The following PNO1 variants were observed in gnomAD, a reference collection of about 807,000 sequenced individuals.
PNO1 encodes RNA-binding protein PNO1.
PNO1 carries 16 observed loss-of-function variants against 28.4 expected under a neutral mutation model. The ratio of observed to expected loss-of-function variants is 0.56; its 90% CI spans 0.38 to 0.85. The LOEUF is 0.85. Among genes scored for constraint, PNO1 ranks in the 40% least tolerant of loss-of-function variants. The probability of loss-of-function intolerance (pLI) is 0.00; values close to 1 mark genes in which losing one functional copy is unlikely to be tolerated. For missense variants in PNO1, 304 were observed against 312.2 expected, an observed-to-expected ratio of 0.97 and a Z score of 0.20; for synonymous variants, 115 against 110.8, an observed-to-expected ratio of 1.04 and a Z score of -0.24.
chr2:68,162,663 TGTAA>T lies in PNO1; in HGVS notation c.620+4_620+7del. The T allele has an allele frequency of 6.5e-7, 1 of 1,527,054 alleles. No homozygotes were observed. The highest frequency in any genetic ancestry group is 9.1e-7 in the Non-Finnish European group (1 of 1,100,956). The allele number at this position is 1,527,054 out of a possible 1,614,324, so 94.6% of individuals were successfully genotyped here. A position where few individuals can be genotyped will look rare whatever the true frequency, so the allele number is the denominator to read the frequency against. Reference sequence around the variant, plus strand: ...CGGACAAGGATAGTTTTGGCTGATGTGTAAGTATCTGATCTTGAGAAAATTATTG... The same window carrying T: ...CGGACAAGGATAGTTTTGGCTGATGTGTATCTGATCTTGAGAAAATTATTG... On this transcript the variant is annotated splice_donor_variant and splice_donor_region_variant and intron_variant, in intron 5 of 6. Coordinates refer to ENST00000263657, the MANE Select transcript of PNO1 (RefSeq NM_020143.4). LOFTEE classifies it high-confidence loss of function.
intron 5 of PNO1, among the ~76,000 whole-genome samples, chr2:68,172,819 A>G (rs1674165502): frequency 6.6e-6 from 1 of 152,248 alleles, no homozygotes; most frequent in South Asian, 2.1e-4. Flanking sequence ...TAAAGCACTC[A>G]TAGGATGGGA....
At chr2:68,165,557 A>AT (rs1453926545) in intron 5 of PNO1, among the ~76,000 whole-genome samples, 1 of 148,932 alleles carries the variant, frequency 6.7e-6, no homozygotes, top group Non-Finnish European at 1.5e-5. Context: ...AAAAAAAAAA[A>AT]AAAAAAAACG....
intron 5 of PNO1, among the ~76,000 whole-genome samples, chr2:68,169,418 T>C (rs1186418798): frequency 1.3e-5 from 2 of 152,184 alleles, no homozygotes; most frequent in Non-Finnish European, 2.9e-5. Flanking sequence ...AGACAGTTTA[T>C]TGGAGAGTCA....
intron 6 of PNO1, 85 bp from the exon 7 acceptor site, chr2:68,174,650 C>A: frequency 1.2e-6 from 1 of 839,786 alleles, no homozygotes; most frequent in East Asian, 2.5e-5. Context: ...GTCCTGAAAC[C>A]AGTCTTCCTT....
chr2:68,166,289 C>A (rs770982094), intron 5 of PNO1, among the ~76,000 whole-genome samples: 4 of 152,180 alleles, frequency 2.6e-5, no homozygotes, highest in African/African-American at 9.7e-5. Flanking sequence ...CTTAACTACT[C>A]CTGCTTTTGG....
Position 68,165,527 on chromosome 2 carries a change from CAG to C in PNO1, c.620+2867_620+2868del, listed in dbSNP as rs1479954580. On this transcript the variant is annotated intron_variant, in intron 5 of 6. Coordinates refer to ENST00000263657, the MANE Select transcript of PNO1 (RefSeq NM_020143.4). ...CACCACTGCATTCCAGCCTGGGCGACAGAGTGAGACTCCATCTCAAAAAAAAA... is the reference window on the plus strand; with the variant it reads ...CACCACTGCATTCCAGCCTGGGCGACAGTGAGACTCCATCTCAAAAAAAAA... 2.2e-4 allele frequency among the ~76,000 whole-genome samples: 25 copies of C among 113,164 alleles called. 1 individual carries two copies. The Admixed American group carries it at 2.7e-3, about 12-fold the overall frequency. The allele number at this position is 113,164 out of a possible 152,430, so 74.2% of individuals were successfully genotyped here.
At chr2:68,173,114 G>T (rs903475547) in intron 5 of PNO1, 6 of 242,262 alleles carry the variant, frequency 2.5e-5, no homozygotes, top group African/African-American at 5.0e-5. Flanking sequence ...TTTTAAGAGA[G>T]AGGGTTTTGG....
At chr2:68,158,277 T>C in intron 1 of PNO1, 103 bp from the exon 2 acceptor site, 1 of 1,370,900 alleles carries the variant, frequency 7.3e-7, no homozygotes, top group South Asian at 1.4e-5. Flanking sequence ...CTTTGAAGTG[T>C]AACTAGTTCA....
In PNO1 at chr2:68,169,667, GTTTTAA is replaced by G. The variant is rs539873494; in HGVS notation, c.621-3673_621-3668del. Among the ~76,000 whole-genome samples, 116 of 152,268 alleles carry G rather than the reference GTTTTAA, an allele frequency of 7.6e-4. No individual in the cohort carries two copies. In the East Asian group the frequency reaches 0.021, roughly 27 times the overall value. On this transcript the variant is annotated intron_variant, in intron 5 of 6. Coordinates refer to ENST00000263657, the MANE Select transcript of PNO1 (RefSeq NM_020143.4). Reference sequence around the variant, plus strand: ...ATATGGCTTGTGTTTGTGTGCGTAAGTTTTAATTTTAACTTTTTATAATAGATTTGT... The same window carrying G: ...ATATGGCTTGTGTTTGTGTGCGTAAGTTTTAACTTTTTATAATAGATTTGT...
chr2:68,157,910 C>A lies in PNO1; in HGVS notation c.-25C>A, dbSNP rs774785435. 9 of 1,605,416 alleles carry A rather than the reference C, an allele frequency of 5.6e-6. No homozygotes were observed. In the African/African-American group the frequency reaches 6.7e-5, roughly 12 times the overall value. Reference sequence around the variant, plus strand: ...GGTGCAGCTGCGCACGTGTTTCAGCCGGCAGCGCTTTAAGATTTCCGGGGA... The same window carrying A: ...GGTGCAGCTGCGCACGTGTTTCAGCAGGCAGCGCTTTAAGATTTCCGGGGA... On this transcript the variant is annotated 5_prime_UTR_variant, in exon 1 of 7. Transcript: ENST00000263657.
intron 5 of PNO1, among the ~76,000 whole-genome samples, chr2:68,171,394 A>G (rs1392889827): frequency 6.6e-6 from 1 of 152,190 alleles, no homozygotes; most frequent in Non-Finnish European, 1.5e-5. Context: ...TCTCTTTCCC[A>G]GAGTTCTGCT....
chr2:68,159,731 T>C (rs1364350219), intron 2 of PNO1, among the ~76,000 whole-genome samples: 1 of 152,184 alleles, frequency 6.6e-6, no homozygotes, highest in African/African-American at 2.4e-5. Context: ...AAATAGTTGA[T>C]AAAGTGTAAA....
Position 68,174,783 on chromosome 2 carries a change from G to T in PNO1, c.740G>T (p.Arg247Ile). The change falls in exon 7 of 7, where the codon AGA becomes ATA. Residue 247 changes from arginine (R) to isoleucine (I), a missense_variant. Transcript: ENST00000263657. ...GGCAATATTCGAGCTGTGGCTAGCA[G>T]ATCAGCAGATCGATTCTGATTTCAA... ...VYGNIRAVAS[R>I]SADRF is the part of the protein sequence containing the mutation. 1.9e-6 allele frequency: 3 copies of T among 1,607,296 alleles called. No homozygotes were observed. Among genetic ancestry groups the T allele is most frequent in the Admixed American group, 1.7e-5 (1 of 59,850 alleles).
rs553528524 is a variant in PNO1, at chr2:68,163,822, C to T, written c.620+1159C>T. On this transcript the variant is annotated intron_variant, in intron 5 of 6. Transcript: ENST00000263657. ...TGCCAGAAGTGAAGCTGGGATTACCCCTGTCTGAGGTTGAAGCTGCCCAGG... is the reference window on the plus strand; with the variant it reads ...TGCCAGAAGTGAAGCTGGGATTACCTCTGTCTGAGGTTGAAGCTGCCCAGG... Among the ~76,000 whole-genome samples the T allele has an allele frequency of 9.5e-4, 144 of 152,186 alleles. 1 individual carries two copies. The highest frequency in any genetic ancestry group is 3.3e-3 in the African/African-American group (135 of 41,530).
At chr2:68,159,124 C>G (rs1191969164) in intron 2 of PNO1, among the ~76,000 whole-genome samples, 1 of 152,086 alleles carries the variant, frequency 6.6e-6, no homozygotes, top group Admixed American at 6.6e-5. Context: ...CTCCATTATA[C>G]TGTTATGAGA....
At position 68,174,799 on chromosome 2, in the gene PNO1, C is replaced by G. The variant is rs1290382338; in HGVS notation, c.756C>G (p.Phe252Leu). 6.3e-7 allele frequency: 1 copy of G among 1,597,500 alleles called. No individual in the cohort carries two copies. Among genetic ancestry groups the G allele is most frequent in the South Asian group, 1.1e-5 (1 of 90,506 alleles). The change falls in exon 7 of 7, where the codon TTC becomes TTG. Residue 252 changes from phenylalanine (F) to leucine (L), a missense_variant. Phe to Leu is a conservative substitution (Grantham distance 22). Coordinates refer to ENST00000263657, the MANE Select transcript of PNO1 (RefSeq NM_020143.4). ...RAVASRSADRF is the reference protein window; with the variant it reads ...RAVASRSADRL ...TGGCTAGCAGATCAGCAGATCGATTCTGATTTCAAGTCAGAGACTTTTTAT... is the reference window on the plus strand; with the variant it reads ...TGGCTAGCAGATCAGCAGATCGATTGTGATTTCAAGTCAGAGACTTTTTAT...
At chr2:68,169,286 A>G (rs1224065621) in intron 5 of PNO1, among the ~76,000 whole-genome samples, 2 of 152,006 alleles carry the variant, frequency 1.3e-5, no homozygotes, top group Non-Finnish European at 2.9e-5. Flanking sequence ...AGCACTCCCA[A>G]CATCACTAGT....
At chr2:68,161,462 CTT>C (rs971258609) in intron 2 of PNO1, 3 of 532,150 alleles carry the variant, frequency 5.6e-6, no homozygotes, top group African/African-American at 3.8e-5. Context: ...ATTTGACACT[CTT>C]TGGGTGGAAC....
chr2:68,157,897 C>A lies in PNO1; in HGVS notation c.-38C>A. Reference sequence around the variant, plus strand: ...CTGGCTTCTGCGTGGTGCAGCTGCGCACGTGTTTCAGCCGGCAGCGCTTTA... The same window carrying A: ...CTGGCTTCTGCGTGGTGCAGCTGCGAACGTGTTTCAGCCGGCAGCGCTTTA... On this transcript the variant is annotated 5_prime_UTR_variant, in exon 1 of 7. Transcript: ENST00000263657. The A allele has an allele frequency of 1.3e-6, 2 of 1,579,692 alleles. No individual in the cohort carries two copies. The highest frequency in any genetic ancestry group is 1.1e-5 in the South Asian group (1 of 90,312).
Sources: allele counts gnomAD v4.1 joint callset (sites outside exome capture counted in the v4.1 genomes callset), GRCh38; gene constraint gnomAD v4.1.1; transcripts MANE v1.5; gene names NCBI Gene and HGNC (gene_info 2026-07-23, HGNC 2026-07-21).